Variants in ATP2C1 observed in about 807,000 individuals in gnomAD.
ATP2C1 encodes the protein calcium-transporting ATPase type 2C member 1.
Under a neutral mutation model 120.5 loss-of-function variants are expected in ATP2C1, and 31 were observed. The observed-to-expected ratio is 0.26, with a 90% CI of 0.19 to 0.35. The LOEUF (loss-of-function observed/expected upper bound fraction) is 0.35. Ranked by LOEUF, ATP2C1 falls within the 10% of genes least tolerant of loss-of-function variation. ATP2C1 has a pLI of 1.00. For synonymous variants in ATP2C1, 351 were observed against 358.7 expected (o/e 0.98, Z 0.24); for missense variants, 731 against 1,107.5 (o/e 0.66, Z 4.83).
At chr3:130,885,950 A>T (rs1286515736) in intron 1 of ATP2C1, among the ~76,000 whole-genome samples, 1 of 152,088 alleles carries the variant, frequency 6.6e-6, no homozygotes, top group African/African-American at 2.4e-5. Context: ...CATATAGATG[A>T]TTTCTTATTG....
chr3:130,941,419 T>G (rs2059914949), intron 7 of ATP2C1, among the ~76,000 whole-genome samples, 172 bp from the exon 8 acceptor site: 1 of 152,270 alleles, frequency 6.6e-6, no homozygotes, highest in African/African-American at 2.4e-5. Flanking sequence ...ACAAATAATT[T>G]GTTTTTCAAG....
At chr3:130,888,746 A>G (rs1329396626) in intron 1 of ATP2C1, among the ~76,000 whole-genome samples, 1 of 151,844 alleles carries the variant, frequency 6.6e-6, no homozygotes, top group Non-Finnish European at 1.5e-5. Flanking sequence ...TGTCTCTCCT[A>G]CTCTCTTCAA....
intron 18 of ATP2C1, among the ~76,000 whole-genome samples, chr3:130,976,041 G>A (rs369930736): frequency 6.6e-6 from 1 of 151,930 alleles, no homozygotes; most frequent in South Asian, 2.1e-4. Flanking sequence ...TCGGGGGTTG[G>A]TGGTTGGTGT....
intron 1 of ATP2C1, among the ~76,000 whole-genome samples, chr3:130,888,322 T>C (rs903366921): frequency 2.0e-5 from 3 of 152,184 alleles, no homozygotes; most frequent in Non-Finnish European, 4.4e-5. Flanking sequence ...TTAGATTCCC[T>C]GGCTAGTGTC....
chr3:130,961,443 A>G (rs1314683377), intron 12 of ATP2C1, among the ~76,000 whole-genome samples: 1 of 151,992 alleles, frequency 6.6e-6, no homozygotes, highest in African/African-American at 2.4e-5. Flanking sequence ...GGGACCTTTA[A>G]TGATCCTATT....
At chr3:130,880,525 C>G (rs1005239045) in intron 1 of ATP2C1, among the ~76,000 whole-genome samples, 1 of 152,204 alleles carries the variant, frequency 6.6e-6, no homozygotes, top group Non-Finnish European at 1.5e-5. Flanking sequence ...ACTGTAAATG[C>G]TTCTAATCCA....
In ATP2C1 at chr3:130,993,017, T is replaced by A; in HGVS notation, c.1890+16T>A. On this transcript the variant is annotated intron_variant, in intron 21 of 27. Transcript: ENST00000510168. Reference sequence around the variant, plus strand: ...AATTATTAAGGTGAGTGTGTAAGAATCAGATTGTTTTATTTCTGTATACAA... The same window carrying A: ...AATTATTAAGGTGAGTGTGTAAGAAACAGATTGTTTTATTTCTGTATACAA... 1 of 1,607,400 alleles carries A rather than the reference T, an allele frequency of 6.2e-7. No homozygotes were observed.
chr3:130,988,802 G>T (rs1297613208), intron 20 of ATP2C1, among the ~76,000 whole-genome samples: 1 of 152,204 alleles, frequency 6.6e-6, no homozygotes, highest in Admixed American at 6.5e-5. Flanking sequence ...TTAATCCTGT[G>T]ATAACAAGAC....
intron 12 of ATP2C1, among the ~76,000 whole-genome samples, chr3:130,962,176 A>G (rs2060850402): frequency 6.6e-6 from 1 of 152,066 alleles, no homozygotes; most frequent in Non-Finnish European, 1.5e-5. Context: ...GAAGGCTGGT[A>G]TGAATATAAA....
At chr3:130,888,852 G>C (rs997122467) in intron 1 of ATP2C1, among the ~76,000 whole-genome samples, 4 of 152,142 alleles carry the variant, frequency 2.6e-5, no homozygotes, top group Non-Finnish European at 5.9e-5. Context: ...AAACTTTCCA[G>C]TATGCAGATA....
Position 130,944,077 on chromosome 3 carries a change from C to A in ATP2C1, c.531+2378C>A, listed in dbSNP as rs555464582. Reference sequence around the variant, plus strand: ...GTCAGCTTTGGGATATCACTAATTTCTTCCAAAGCACATAGATTTCACTTT... The same window carrying A: ...GTCAGCTTTGGGATATCACTAATTTATTCCAAAGCACATAGATTTCACTTT... On this transcript the variant is annotated intron_variant, in intron 8 of 27. Transcript: ENST00000510168. Among the ~76,000 whole-genome samples, 13 of 152,344 alleles carry A rather than the reference C, an allele frequency of 8.5e-5. No homozygotes were observed. The East Asian group carries it at 2.5e-3, about 29-fold the overall frequency.
chr3:131,001,250 C>G lies in ATP2C1; in HGVS notation c.2660C>G (p.Ser887Ter). Reference protein sequence around the residue: ...DLLFLLGLTSSVCIVAEIIKK... With the variant: ...DLLFLLGLTS The stretch of plus-strand genomic sequence containing the variant: ...TTGTTTCTTTTGGGTCTCACCTCAT[C>G]AGTGTGCATAGTGGCAGAAATTATA... The change falls in exon 28 of 28, where the codon TCA becomes TGA. Residue 887 changes from serine (S) to a stop codon, truncating the protein, a stop_gained. Transcript: ENST00000510168. LOFTEE classifies it high-confidence loss of function. 6.2e-7 allele frequency: 1 copy of G among 1,613,598 alleles called. No individual in the cohort carries two copies. Among genetic ancestry groups the G allele is most frequent in the Non-Finnish European group, 8.5e-7 (1 of 1,179,774 alleles).
chr3:130,963,593 A>G (rs1360670855), intron 12 of ATP2C1: 7 of 235,188 alleles, frequency 3.0e-5, no homozygotes, highest in East Asian at 1.1e-4. Flanking sequence ...GCTATCGTGA[A>G]TAGTGTTGCC....
chr3:131,009,878 C>T (rs1182204902), intron 26 of ATP2C1, among the ~76,000 whole-genome samples: 1 of 152,114 alleles, frequency 6.6e-6, no homozygotes, highest in Non-Finnish European at 1.5e-5. Flanking sequence ...ACCAAGTACC[C>T]CACATCTGTC....
intron 2 of ATP2C1, among the ~76,000 whole-genome samples, chr3:130,913,058 C>T (rs852207): frequency 1 from 130,186 of 130,416 alleles, 64,978 homozygotes; most frequent in Middle Eastern, 1. Flanking sequence ...AACAATGAGA[C>T]CACATGGACA....
At chr3:130,934,554 T>C (rs79613660) in intron 4 of ATP2C1, 68 bp from the exon 5 acceptor site, 5 of 1,020,854 alleles carry the variant, frequency 4.9e-6, no homozygotes, top group East Asian at 4.8e-5. Context: ...TTTTTTTTTT[T>C]AAAGCCTTTG....
upstream of ATP2C1, among the ~76,000 whole-genome samples, chr3:130,891,567 A>G (rs1055654150): frequency 2.0e-5 from 3 of 152,226 alleles, no homozygotes; most frequent in South Asian, 6.2e-4. Flanking sequence ...TTTGATTTCT[A>G]TGGAAGCAAT....
rs77288225 is a variant in ATP2C1 at position 130,980,070 on chromosome 3, C to T, written c.1742-512C>T. The stretch of plus-strand genomic sequence containing the variant: ...TTATATTATTGGAAGAATAACTTTT[C>T]GATGTTTATTTTCATTTATGTATAA... On this transcript the variant is annotated intron_variant, in intron 19 of 27. Transcript: ENST00000510168. Among the ~76,000 whole-genome samples, 746 of 152,098 alleles carry T rather than the reference C, an allele frequency of 4.9e-3. 5 individuals are homozygous for T. The highest frequency in any genetic ancestry group is 0.016 in the African/African-American group (677 of 41,502).
chr3:130,942,060 A>C (rs2059945545), intron 8 of ATP2C1, among the ~76,000 whole-genome samples: 1 of 152,216 alleles, frequency 6.6e-6, no homozygotes, highest in African/African-American at 2.4e-5. Context: ...AAAGAATAGG[A>C]TATAGACATT....
Sources: allele counts gnomAD v4.1 joint callset (sites outside exome capture counted in the v4.1 genomes callset), GRCh38; gene constraint gnomAD v4.1.1; transcripts MANE v1.5; gene names NCBI Gene and HGNC (gene_info 2026-07-23, HGNC 2026-07-21).